Variants in SCUBE3 observed in about 807,000 individuals in gnomAD.
SCUBE3 encodes signal peptide, CUB and EGF-like domain-containing protein 3.
Under a neutral mutation model 116.8 loss-of-function variants are expected in SCUBE3, and 33 were observed. The observed-to-expected ratio is 0.28, with a 90% CI of 0.21 to 0.38. The LOEUF is 0.38. Among genes scored for constraint, SCUBE3 ranks in the 10% least tolerant of loss-of-function variants. SCUBE3 has a pLI of 1.00. For missense variants in SCUBE3, 1,007 were observed against 1,324.8 expected (o/e 0.76, Z 3.72); for synonymous variants, 418 against 496.9 (o/e 0.84, Z 2.11).
chr6:35,228,796 T>G lies in SCUBE3; in HGVS notation c.334+57T>G, dbSNP rs1562046193. 2.6e-6 allele frequency: 4 copies of G among 1,563,226 alleles called. No individual in the cohort carries two copies. Among genetic ancestry groups the G allele is most frequent in the African/African-American group, 1.4e-5 (1 of 74,052 alleles). On this transcript the variant is annotated intron_variant, in intron 3 of 21. Coordinates refer to ENST00000274938, the MANE Select transcript of SCUBE3 (RefSeq NM_152753.4). The surrounding 1 kb of genome is among the most constrained non-coding windows in gnomAD (Gnocchi z 4.9). ...ATGTCTTGTGGAGAAAGAGATCTTT[T>G]CAGCATTTCCTATTTCCCAGGGAAG...
In SCUBE3 at chr6:35,240,311, T is replaced by A. The variant is rs890373053; in HGVS notation, c.953-63T>A. The A allele has an allele frequency of 2.3e-5, 22 of 971,226 alleles. No individual in the cohort carries two copies. The highest frequency in any genetic ancestry group is 2.1e-4 in the Middle Eastern group (1 of 4,656). The allele number at this position is 971,226 out of a possible 1,614,324, so 60.2% of individuals were successfully genotyped here. ...AGCCAAGGCCCCTCACTTGGGTCCT[T>A]CACCTGAGCAAGGGTCAAGTGCTCC... On this transcript the variant is annotated intron_variant, in intron 8 of 21. Transcript: ENST00000274938. This position sits in a 1 kb window ranked among gnomAD's most constrained non-coding sequence, Gnocchi z 4.6.
intron 21 of SCUBE3, among the ~76,000 whole-genome samples, chr6:35,247,779 C>G (rs1297008486): frequency 1.3e-5 from 2 of 152,186 alleles, no homozygotes; most frequent in East Asian, 3.9e-4. Context: ...GAGCACCAGC[C>G]TAGGAGCCAG....
chr6:35,237,861 C>A, intron 6 of SCUBE3, 41 bp from the exon 7 acceptor site: 2 of 1,317,888 alleles, frequency 1.5e-6, no homozygotes, highest in Non-Finnish European at 1.1e-6. Context: ...CTCCTCCAGG[C>A]TTGTAACCTC....
Position 35,241,170 on chromosome 6 carries a change from G to A in SCUBE3, c.1099G>A (p.Gly367Ser), listed in dbSNP as rs1784027856. The change falls in exon 10 of 22, where the codon GGT becomes AGT. Residue 367 changes from glycine to serine, a missense_variant. This residue lies in a region of SCUBE3 where 544 missense variants were observed against 638.9 expected (regional missense o/e 0.85). Coordinates refer to ENST00000274938, the MANE Select transcript of SCUBE3 (RefSeq NM_152753.4). The surrounding 1 kb of genome is among the most constrained non-coding windows in gnomAD (Gnocchi z 4.1). ...DVDECSINRG[G>S]CRFGCINTPG... ...GGATGAATGCAGCATCAACCGGGGAGGTTGCCGCTTTGGCTGCATCAACAC... is the reference window on the plus strand; with the variant it reads ...GGATGAATGCAGCATCAACCGGGGAAGTTGCCGCTTTGGCTGCATCAACAC... The A allele has an allele frequency of 1.2e-6, 2 of 1,602,806 alleles. No homozygotes were observed. Among genetic ancestry groups the A allele is most frequent in the South Asian group, 1.1e-5 (1 of 90,700 alleles).
Position 35,228,869 on chromosome 6 carries a change from A to C in SCUBE3, c.334+130A>C. The C allele has an allele frequency of 3.0e-6, 3 of 984,716 alleles. No homozygotes were observed. The highest frequency in any genetic ancestry group is 4.7e-6 in the Non-Finnish European group (3 of 638,174). 61.0% of individuals were successfully genotyped at this position (984,716 alleles called of 1,614,324 possible). On this transcript the variant is annotated intron_variant, in intron 3 of 21. Coordinates refer to ENST00000274938, the MANE Select transcript of SCUBE3 (RefSeq NM_152753.4). The surrounding 1 kb of genome is among the most constrained non-coding windows in gnomAD (Gnocchi z 4.9). The stretch of plus-strand genomic sequence containing the variant: ...GCTACATTCACAAGAGAATAAGGTC[A>C]GCCTCCCCTTTGAGACTGGCCACTT...
At chr6:35,236,297 A>G (rs980256522) in intron 6 of SCUBE3, among the ~76,000 whole-genome samples, 7 of 152,196 alleles carry the variant, frequency 4.6e-5, no homozygotes, top group African/African-American at 1.7e-4. Context: ...GTGGGCGGCT[A>G]TGCCCAGCTT....
In SCUBE3 at chr6:35,228,574, G is replaced by C. The variant is rs200711827; in HGVS notation, c.209-40G>C. ...GAGTCTGGGGGTGGACAGTGGGTTC[G>C]CAGGTGGGTTCAGCTGTCTCAGCTT... is the stretch of plus-strand genomic sequence containing the variant. On this transcript the variant is annotated intron_variant, in intron 2 of 21. Coordinates refer to ENST00000274938, the MANE Select transcript of SCUBE3 (RefSeq NM_152753.4). The surrounding 1 kb of genome is among the most constrained non-coding windows in gnomAD (Gnocchi z 4.9). The C allele has an allele frequency of 6.2e-7, 1 of 1,608,288 alleles. No homozygotes were observed. The highest frequency in any genetic ancestry group is 1.3e-5 in the African/African-American group (1 of 74,826).
rs148018481 is a variant in SCUBE3, at chr6:35,241,535, C to G, written c.1196-8C>G. On this transcript the variant is annotated splice_polypyrimidine_tract_variant and splice_region_variant and intron_variant, in intron 10 of 21. Coordinates refer to ENST00000274938, the MANE Select transcript of SCUBE3 (RefSeq NM_152753.4). The surrounding 1 kb of genome is among the most constrained non-coding windows in gnomAD (Gnocchi z 4.1). ...ATTCATTTGCTCAGGCCTCTCTCCC[C>G]TTCCTAGAGCCACTGAAGTGTCAGG... The G allele has an allele frequency of 2.5e-6, 4 of 1,600,014 alleles. No individual in the cohort carries two copies. The highest frequency in any genetic ancestry group is 3.4e-6 in the Non-Finnish European group (4 of 1,167,194).
chr6:35,234,484 T>C (rs184717027), intron 6 of SCUBE3, among the ~76,000 whole-genome samples: 12 of 152,276 alleles, frequency 7.9e-5, no homozygotes, highest in African/African-American at 2.9e-4. Context: ...ATTTCTAAAG[T>C]CCCTATATAA....
At chr6:35,217,259 G>GGGGGGGGGGGGGGGGGGGGA (rs1782956218) in intron 1 of SCUBE3, among the ~76,000 whole-genome samples, 1 of 17,774 alleles carries the variant, frequency 5.6e-5, no homozygotes, top group Non-Finnish European at 2.1e-4. Flanking sequence ...GCGGCGGGGG[G>GGGGGGGGGGGGGGGGGGGGA]GGGGGTGTGT....
Position 35,232,392 on chromosome 6 carries a change from T to C in SCUBE3, c.470-458T>C, listed in dbSNP as rs1013675865. Among the ~76,000 whole-genome samples the C allele has an allele frequency of 6.6e-5, 10 of 152,150 alleles. No individual in the cohort carries two copies. Among genetic ancestry groups the C allele is most frequent in the Non-Finnish European group, 1.2e-4 (8 of 68,020 alleles). On this transcript the variant is annotated intron_variant, in intron 4 of 21. Transcript: ENST00000274938. This position sits in a 1 kb window ranked among gnomAD's most constrained non-coding sequence, Gnocchi z 4.2. Reference sequence around the variant, plus strand: ...TTTAATAAATGTTTGTTGAATAAAATTGCATAGTAAATATCTATACCAATT... The same window carrying C: ...TTTAATAAATGTTTGTTGAATAAAACTGCATAGTAAATATCTATACCAATT...
chr6:35,217,820 T>C (rs1374713797), intron 1 of SCUBE3, among the ~76,000 whole-genome samples: 1 of 152,154 alleles, frequency 6.6e-6, no homozygotes, highest in Admixed American at 6.5e-5. Flanking sequence ...CTTTAGTCAG[T>C]TCCCTCTAAG....
chr6:35,217,508 A>C (rs1782968812), intron 1 of SCUBE3, among the ~76,000 whole-genome samples: 1 of 149,370 alleles, frequency 6.7e-6, no homozygotes, highest in Non-Finnish European at 1.5e-5. Flanking sequence ...GTGGTGGCAA[A>C]CAGTGTCTCT....
Position 35,241,660 on chromosome 6 carries a change from G to GTGTAC in SCUBE3, c.1312+2_1312+3insGTACT. On this transcript the variant is annotated splice_donor_variant, in intron 11 of 21. Transcript: ENST00000274938. LOFTEE classifies it high-confidence loss of function. This position sits in a 1 kb window ranked among gnomAD's most constrained non-coding sequence, Gnocchi z 4.1. ...CCCTCCAGGGCCCGATTTTTGCCAG[G>GTGTAC]TACATGGGAGGAGGGTGCTGGAGAG... 4 of 1,601,036 alleles carry GTGTAC rather than the reference G, an allele frequency of 2.5e-6. No homozygotes were observed. Among genetic ancestry groups the GTGTAC allele is most frequent in the Non-Finnish European group, 3.4e-6 (4 of 1,167,922 alleles).
In SCUBE3 at chr6:35,240,601, G is replaced by A; in HGVS notation, c.1069+111G>A. On this transcript the variant is annotated intron_variant, in intron 9 of 21. Coordinates refer to ENST00000274938, the MANE Select transcript of SCUBE3 (RefSeq NM_152753.4). The surrounding 1 kb of genome is among the most constrained non-coding windows in gnomAD (Gnocchi z 4.6). ...GGCTATGGGCAATCCCTGGATGCAT[G>A]CACCATGTCTGCATCCGCTGTGACA... 1.8e-6 allele frequency: 1 copy of A among 569,654 alleles called. No homozygotes were observed. The highest frequency in any genetic ancestry group is 3.1e-6 in the Non-Finnish European group (1 of 317,700). 35.3% of individuals were successfully genotyped at this position (569,654 alleles called of 1,614,324 possible).
At chr6:35,236,963 C>T (rs1434020089) in intron 6 of SCUBE3, among the ~76,000 whole-genome samples, 1 of 152,180 alleles carries the variant, frequency 6.6e-6, no homozygotes, top group Non-Finnish European at 1.5e-5. Flanking sequence ...TTTTCTCCTG[C>T]TGTGAATTCA....
intron 1 of SCUBE3, among the ~76,000 whole-genome samples, chr6:35,227,180 A>G (rs986225162): frequency 6.6e-6 from 1 of 152,168 alleles, no homozygotes; most frequent in African/African-American, 2.4e-5. Flanking sequence ...ACCTTCCCAG[A>G]GACCACTGTT....
Position 35,233,407 on chromosome 6 carries a change from C to T in SCUBE3, c.712+106C>T. On this transcript the variant is annotated intron_variant, in intron 6 of 21. Coordinates refer to ENST00000274938, the MANE Select transcript of SCUBE3 (RefSeq NM_152753.4). The surrounding 1 kb of genome is among the most constrained non-coding windows in gnomAD (Gnocchi z 5.7). ...GTGCATGGGGCCCAGGTGCTGGGCA[C>T]AGAGGGACTGGTGAGGGAGTTAAGA... 2 of 729,880 alleles carry T rather than the reference C, an allele frequency of 2.7e-6. No individual in the cohort carries two copies. The highest frequency in any genetic ancestry group is 4.9e-6 in the Non-Finnish European group (2 of 409,040). The allele number at this position is 729,880 out of a possible 1,614,324, so 45.2% of individuals were successfully genotyped here.
rs1431523755 is a variant in SCUBE3, at chr6:35,246,374, C to G, written c.2832+89C>G. 4.2e-6 allele frequency: 4 copies of G among 945,670 alleles called. 1 individual carries two copies. In the African/African-American group the frequency reaches 6.5e-5, roughly 15 times the overall value. The allele number at this position is 945,670 out of a possible 1,614,324, so 58.6% of individuals were successfully genotyped here. On this transcript the variant is annotated intron_variant, in intron 21 of 21. Coordinates refer to ENST00000274938, the MANE Select transcript of SCUBE3 (RefSeq NM_152753.4). The stretch of plus-strand genomic sequence containing the variant: ...TAGGCTAAGTGCTTACATGAATATT[C>G]TCACTTGATAGACACAATAGCTCTA...
Sources: allele counts gnomAD v4.1 joint callset (sites outside exome capture counted in the v4.1 genomes callset), GRCh38; gene constraint gnomAD v4.1.1; regional missense constraint gnomAD v4.1.1; non-coding constraint Gnocchi (gnomAD v3.1); transcripts MANE v1.5; gene names NCBI Gene and HGNC (gene_info 2026-07-23, HGNC 2026-07-21).